Variants in SRP68 observed in about 807,000 individuals in gnomAD.
The protein encoded by SRP68 is signal recognition particle 68.
In SRP68, 15 loss-of-function variants were observed where a neutral mutation model predicts 82.2. That is an observed-to-expected ratio of 0.18 (90% CI 0.12 to 0.28). The LOEUF (loss-of-function observed/expected upper bound fraction) is 0.28. Ranked by LOEUF, SRP68 falls within the 10% of genes least tolerant of loss-of-function variation. The pLI, the probability that SRP68 is intolerant of heterozygous loss-of-function variation, is 1.00. For missense variants in SRP68, 595 were observed against 780.5 expected (o/e 0.76, Z 2.83); for synonymous variants, 261 against 292.6 (o/e 0.89, Z 1.10).
Position 76,064,069 on chromosome 17 carries a change from T to C in SRP68, c.468A>G (p.Leu156=). Residue 156 remains leucine (L), a synonymous_variant, in exon 4 of 16, where the codon TTA becomes TTG. Coordinates refer to ENST00000307877, the MANE Select transcript of SRP68 (RefSeq NM_014230.4). ...GCTTCACGGCTTTGCGTAGGCGAGA[T>C]AACAAGTGAAACCGTTTTCGGGGTT... is the stretch of plus-strand genomic sequence containing the variant. ...NTEPRKRFHL[L]SRLRKAVKHA... 6.2e-7 allele frequency: 1 copy of C among 1,614,252 alleles called. No homozygotes were observed. The highest frequency in any genetic ancestry group is 1.3e-5 in the African/African-American group (1 of 75,064).
At chr17:76,059,410 C>T (rs972826129) in intron 7 of SRP68, among the ~76,000 whole-genome samples, 6 of 152,042 alleles carry the variant, frequency 3.9e-5, no homozygotes, top group African/African-American at 1.2e-4. Context: ...GGCGTGGTGG[C>T]GGGCGCCTGT....
In SRP68 at chr17:76,072,428, T is replaced by TGCC. The variant is rs1286592107; in HGVS notation, c.61_63dup (p.Gly21dup). 1.9e-5 allele frequency: 30 copies of TGCC among 1,585,498 alleles called. No homozygotes were observed. The highest frequency in any genetic ancestry group is 2.7e-5 in the African/African-American group (2 of 73,694). On this transcript the variant is annotated inframe_insertion, in exon 1 of 16. Coordinates refer to ENST00000307877, the MANE Select transcript of SRP68 (RefSeq NM_014230.4). This position sits in a 1 kb window ranked among gnomAD's most constrained non-coding sequence, Gnocchi z 4.5. ...CCACCGCCGCTACCGCCGCCGCCAC[T>TGCC]GCCACCGCCGCCGCCACTGCCGCCG...
At chr17:76,066,702 A>G (rs1420812741) in intron 3 of SRP68, among the ~76,000 whole-genome samples, 1 of 150,656 alleles carries the variant, frequency 6.6e-6, no homozygotes, top group African/African-American at 2.4e-5. Context: ...GGGGGGCTCC[A>G]AAGCTGAGAC....
At chr17:76,052,542 C>A (rs529477031) in intron 8 of SRP68, among the ~76,000 whole-genome samples, 10 of 152,226 alleles carry the variant, frequency 6.6e-5, no homozygotes, top group Non-Finnish European at 1.3e-4. Context: ...CGGTGGCTCA[C>A]GCCTGTAATC....
At chr17:76,058,657 C>G (rs2066729153) in intron 7 of SRP68, among the ~76,000 whole-genome samples, 1 of 152,092 alleles carries the variant, frequency 6.6e-6, no homozygotes, top group South Asian at 2.1e-4. Context: ...AAAAGAGTAA[C>G]ACTAAGTTTT....
At chr17:76,043,737 G>C in intron 13 of SRP68, 92 bp downstream of exon 13, 1 of 1,403,158 alleles carries the variant, frequency 7.1e-7, no homozygotes, top group Non-Finnish European at 9.5e-7. Flanking sequence ...ACCAGCCTGA[G>C]GTGGCGCCCA....
rs547948372 is a variant in SRP68, at chr17:76,044,277, G to A, written c.1395-319C>T. ...CAGGAAGGAAGGAAGAACGCTGCCCGGCTCAAATAGAAATCCCAAACCCAT... is the reference window on the plus strand; with the variant it reads ...CAGGAAGGAAGGAAGAACGCTGCCCAGCTCAAATAGAAATCCCAAACCCAT... On this transcript the variant is annotated intron_variant, in intron 12 of 15. Coordinates refer to ENST00000307877, the MANE Select transcript of SRP68 (RefSeq NM_014230.4). Among the ~76,000 whole-genome samples the A allele has an allele frequency of 2.6e-5, 4 of 152,284 alleles. No individual in the cohort carries two copies. In the East Asian group the frequency reaches 7.7e-4, roughly 29 times the overall value.
chr17:76,062,984 A>C (rs375836816), intron 4 of SRP68, among the ~76,000 whole-genome samples: 47 of 150,670 alleles, frequency 3.1e-4, no homozygotes, highest in African/African-American at 7.1e-4. Flanking sequence ...GTTAGCCAGG[A>C]TGGTCTCGAT....
At chr17:76,053,195 G>A (rs563021993) in intron 8 of SRP68, among the ~76,000 whole-genome samples, 312 of 150,988 alleles carry the variant, frequency 2.1e-3, no homozygotes, top group African/African-American at 6.6e-3. Context: ...GAGACCAGGA[G>A]GTGGAGGTTG....
In SRP68 at chr17:76,038,785, T is replaced by A. The variant is rs2066566220; in HGVS notation, c.*921A>T. On this transcript the variant is annotated 3_prime_UTR_variant, in exon 16 of 16. Coordinates refer to ENST00000307877, the MANE Select transcript of SRP68 (RefSeq NM_014230.4). Reference sequence around the variant, plus strand: ...CCAAAGGGAATCGTTAAGTGTCAGGTACATGTTTAAATCACTTTTATTCCT... The same window carrying A: ...CCAAAGGGAATCGTTAAGTGTCAGGAACATGTTTAAATCACTTTTATTCCT... 6.6e-6 allele frequency: 1 copy of A among 152,326 alleles called. No homozygotes were observed. The highest frequency in any genetic ancestry group is 2.4e-5 in the African/African-American group (1 of 41,462). 9.4% of individuals were successfully genotyped at this position (152,326 alleles called of 1,614,324 possible). A position where few individuals can be genotyped will look rare whatever the true frequency, so the allele number is the denominator to read the frequency against.
chr17:76,049,362 T>G (rs867567663), intron 9 of SRP68: 1 of 152,264 alleles, frequency 6.6e-6, no homozygotes, highest in Non-Finnish European at 1.5e-5. Context: ...AGCTATGAGC[T>G]GGACCTTGAA....
chr17:76,066,682 G>A (rs1355817508), intron 3 of SRP68, among the ~76,000 whole-genome samples: 1 of 148,322 alleles, frequency 6.7e-6, no homozygotes, highest in Non-Finnish European at 1.5e-5. Context: ...CCTGTACAGA[G>A]ACAGAGGAAG....
chr17:76,055,189 A>G (rs1015034987), intron 8 of SRP68, among the ~76,000 whole-genome samples: 2 of 151,340 alleles, frequency 1.3e-5, no homozygotes, highest in Non-Finnish European at 2.9e-5. Flanking sequence ...CTCATTTCGA[A>G]CTCCTGATCT....
chr17:76,059,922 G>A lies in SRP68; in HGVS notation c.837+386C>T, dbSNP rs1410260338. ...GGGCGGATCTCGAGGTCAGGAGATCGAGACCATCCTGGCTAAGGCGGTGAA... is the reference window on the plus strand; with the variant it reads ...GGGCGGATCTCGAGGTCAGGAGATCAAGACCATCCTGGCTAAGGCGGTGAA... On this transcript the variant is annotated intron_variant, in intron 7 of 15. Transcript: ENST00000307877. 9.9e-5 allele frequency among the ~76,000 whole-genome samples: 15 copies of A among 151,368 alleles called. No homozygotes were observed. The East Asian group carries it at 2.5e-3, about 26-fold the overall frequency.
chr17:76,067,715 C>A (rs1050592136), intron 2 of SRP68, among the ~76,000 whole-genome samples: 8 of 152,160 alleles, frequency 5.3e-5, no homozygotes, highest in Non-Finnish European at 1.5e-5. Flanking sequence ...ATCCGCCCAC[C>A]CCAGCCTTCC....
At position 76,056,147 on chromosome 17, in the gene SRP68, T is replaced by G. The variant is rs563467144; in HGVS notation, c.978+1256A>C. Among the ~76,000 whole-genome samples the G allele has an allele frequency of 4.6e-5, 7 of 152,204 alleles. No individual in the cohort carries two copies. In the South Asian group the frequency reaches 1.5e-3, roughly 32 times the overall value. ...AAAATTACTTAATAAATGCTAGCTTTTCCTGTTCTTCATTTGGTACGTGTC... is the reference window on the plus strand; with the variant it reads ...AAAATTACTTAATAAATGCTAGCTTGTCCTGTTCTTCATTTGGTACGTGTC... On this transcript the variant is annotated intron_variant, in intron 8 of 15. Transcript: ENST00000307877.
chr17:76,051,193 G>A (rs1427496945), intron 8 of SRP68, among the ~76,000 whole-genome samples: 2 of 152,174 alleles, frequency 1.3e-5, no homozygotes, highest in Non-Finnish European at 2.9e-5. Flanking sequence ...AGGTTGACAC[G>A]CATGAGACGA....
intron 8 of SRP68, among the ~76,000 whole-genome samples, chr17:76,056,561 A>G (rs536501087): frequency 9.9e-5 from 15 of 152,104 alleles, no homozygotes; most frequent in East Asian, 1.9e-4. Flanking sequence ...ACACACATCA[A>G]CTCTTCAGCT....
intron 13 of SRP68, chr17:76,043,613 C>A: frequency 6.0e-6 from 2 of 334,814 alleles, no homozygotes; most frequent in Admixed American, 4.9e-5. Flanking sequence ...AGAAAAATGC[C>A]TTCCCTTCTT....
Sources: allele counts gnomAD v4.1 joint callset (sites outside exome capture counted in the v4.1 genomes callset), GRCh38; gene constraint gnomAD v4.1.1; non-coding constraint Gnocchi (gnomAD v3.1); transcripts MANE v1.5; gene names NCBI Gene and HGNC (gene_info 2026-07-23, HGNC 2026-07-21).